Variants in RPGRIP1 observed in about 807,000 individuals in gnomAD.
The protein encoded by RPGRIP1 is RPGR interacting protein 1.
Under a neutral mutation model 157.9 loss-of-function variants are expected in RPGRIP1, and 128 were observed. The observed-to-expected ratio is 0.81, with a 90% CI of 0.70 to 0.94. The LOEUF is 0.94. Among genes scored for constraint, RPGRIP1 ranks in the 40% least tolerant of loss-of-function variants. The pLI is 0.00. For missense variants in RPGRIP1, 1,486 were observed against 1,545.8 expected (o/e 0.96, Z 0.65); for synonymous variants, 554 against 571.6 (o/e 0.97, Z 0.44).
intron 9 of RPGRIP1, 74 bp from the exon 10 acceptor site, chr14:21,312,359 G>C: frequency 9.6e-7 from 1 of 1,041,676 alleles, no homozygotes; most frequent in Non-Finnish European, 1.4e-6. Context: ...GCCCCTCCCT[G>C]CCATGGACAG....
rs1881121627 is a variant in RPGRIP1 at position 21,303,350 on chromosome 14, A to G, written c.607A>G (p.Ile203Val). 3 of 1,613,118 alleles carry G rather than the reference A, an allele frequency of 1.9e-6. No individual in the cohort carries two copies. Among genetic ancestry groups the G allele is most frequent in the Non-Finnish European group, 2.5e-6 (3 of 1,179,452 alleles). Residue 203 changes from isoleucine to valine, a missense_variant, in exon 6 of 25, where the codon ATA becomes GTA. Ile to Val is a conservative substitution (Grantham distance 29). Transcript: ENST00000400017. The part of the protein sequence containing the change: ...PSELVSGSNS[I>V]ISFSSVISMA... ...ATTTAGTGTTTCTGGTTCTAACAGCATAATTTCTTTCAGCAGTGTCATAAG... is the reference window on the plus strand; with the variant it reads ...ATTTAGTGTTTCTGGTTCTAACAGCGTAATTTCTTTCAGCAGTGTCATAAG...
intron 14 of RPGRIP1, among the ~76,000 whole-genome samples, chr14:21,323,520 A>G (rs1882727865): frequency 6.6e-6 from 1 of 151,998 alleles, no homozygotes; most frequent in African/African-American, 2.4e-5. Flanking sequence ...GCTTCTACCT[A>G]CGTCTGAAGA....
chr14:21,293,818 G>A (rs1480658707), intron 2 of RPGRIP1, among the ~76,000 whole-genome samples: 4 of 152,050 alleles, frequency 2.6e-5, no homozygotes, highest in Middle Eastern at 3.2e-3. Flanking sequence ...AGCGGAGCTT[G>A]CAGTGAGCCG....
At chr14:21,334,454 A>T in intron 20 of RPGRIP1, 151 bp from the exon 21 acceptor site, 1 of 655,384 alleles carries the variant, frequency 1.5e-6, no homozygotes, top group Non-Finnish European at 2.8e-6. Flanking sequence ...TGTACCTTTG[A>T]AAAAGAGGGT....
intron 7 of RPGRIP1, among the ~76,000 whole-genome samples, chr14:21,309,028 A>G (rs1288600227): frequency 2.0e-5 from 3 of 152,182 alleles, no homozygotes; most frequent in African/African-American, 7.2e-5. Flanking sequence ...GTTTGGGTGG[A>G]CCCAGTTTCT....
intron 1 of RPGRIP1, among the ~76,000 whole-genome samples, chr14:21,282,908 C>A (rs1026640257): frequency 3.9e-5 from 6 of 152,144 alleles, no homozygotes; most frequent in Non-Finnish European, 8.8e-5. Flanking sequence ...CTGTGCCCGG[C>A]CTACATTCCA....
intron 10 of RPGRIP1, among the ~76,000 whole-genome samples, chr14:21,315,384 G>A (rs1881732756): frequency 6.6e-6 from 1 of 151,704 alleles, no homozygotes; most frequent in East Asian, 1.9e-4. Context: ...GCAGGTGCCT[G>A]TAGTCCCAGC....
rs759412799 is a variant in RPGRIP1, at chr14:21,283,654, CT to C, written c.-39+3510del. 3.2e-3 allele frequency among the ~76,000 whole-genome samples: 422 copies of C among 133,776 alleles called. 1 individual carries two copies. Among genetic ancestry groups the C allele is most frequent in the Middle Eastern group, 4.5e-3 (1 of 220 alleles). 87.8% of individuals were successfully genotyped at this position (133,776 alleles called of 152,430 possible). A position where few individuals can be genotyped will look rare whatever the true frequency, so the allele number is the denominator to read the frequency against. On this transcript the variant is annotated intron_variant, in intron 1 of 24. Coordinates refer to ENST00000400017, the MANE Select transcript of RPGRIP1 (RefSeq NM_020366.4). ...TACTTGTAAACTAAATGCAGATTTA[CT>C]TTTTTTTTTTTTTTAGACAGAGTCT...
intron 10 of RPGRIP1, 90 bp downstream of exon 10, chr14:21,312,596 G>A (rs1473012034): frequency 1.4e-6 from 1 of 703,592 alleles, no homozygotes; most frequent in Non-Finnish European, 2.4e-6. Context: ...ATAAATATAT[G>A]GGGAAATTGG....
At position 21,315,521 on chromosome 14, in the gene RPGRIP1, C is replaced by A. The variant is rs1409700656; in HGVS notation, c.1152-2175C>A. Among the ~76,000 whole-genome samples, 952 of 119,572 alleles carry A rather than the reference C, an allele frequency of 8.0e-3. 8 individuals carry two copies. Among genetic ancestry groups the A allele is most frequent in the African/African-American group, 0.025 (792 of 31,188 alleles). The allele number at this position is 119,572 out of a possible 152,430, so 78.4% of individuals were successfully genotyped here. On this transcript the variant is annotated intron_variant, in intron 10 of 24. Transcript: ENST00000400017. ...GACTCCGTCTCAAAAAAAAAAAAAA[C>A]AAAAAACTTAAAAGTACCTTTGATC...
At chr14:21,296,183 C>T (rs1021308096) in intron 3 of RPGRIP1, among the ~76,000 whole-genome samples, 2 of 151,470 alleles carry the variant, frequency 1.3e-5, no homozygotes, top group Non-Finnish European at 2.9e-5. Flanking sequence ...CTCACTGCAA[C>T]TTCCGCCTCC....
chr14:21,311,913 T>C lies in RPGRIP1; in HGVS notation c.1020T>C (p.Ala340=). 1.2e-6 allele frequency: 2 copies of C among 1,613,292 alleles called. No homozygotes were observed. The highest frequency in any genetic ancestry group is 2.2e-5 in the East Asian group (1 of 44,884). ...RAELKEESKK[A]VSLKSQLEDV... ...AGCTGAAGGAAGAAAGCAAGAAGGC[T>C]GTGAGCTTGAAGAGCCAACTGGAAG... is the stretch of plus-strand genomic sequence containing the variant. The change falls in exon 9 of 25, where the codon GCT becomes GCC. Residue 340 remains alanine (A), a synonymous_variant. Transcript: ENST00000400017.
intron 6 of RPGRIP1, 112 bp downstream of exon 6, chr14:21,303,655 A>G: frequency 4.9e-6 from 4 of 815,554 alleles, no homozygotes; most frequent in South Asian, 1.7e-5. Context: ...GATTAAATTC[A>G]ATCGGAGTAG....
chr14:21,351,041 T>C (rs1419304198), intron 24 of RPGRIP1, 63 bp from the exon 25 acceptor site: 11 of 905,162 alleles, frequency 1.2e-5, no homozygotes, highest in South Asian at 1.6e-5. Flanking sequence ...GTACCTAACC[T>C]GACAAATACC....
chr14:21,346,570 T>C (rs1474966079), intron 23 of RPGRIP1, among the ~76,000 whole-genome samples: 1 of 152,184 alleles, frequency 6.6e-6, no homozygotes, highest in African/African-American at 2.4e-5. Context: ...AAAAAAGTTA[T>C]TTGTTGTTTA....
intron 3 of RPGRIP1, among the ~76,000 whole-genome samples, chr14:21,298,756 A>G (rs1566670574): frequency 3.3e-5 from 5 of 150,880 alleles, no homozygotes; most frequent in South Asian, 2.1e-4. Flanking sequence ...CCTGTTCAAC[A>G]TGGTGAAACC....
chr14:21,281,638 G>A (rs558649067), intron 1 of RPGRIP1, among the ~76,000 whole-genome samples: 36 of 149,634 alleles, frequency 2.4e-4, no homozygotes, highest in African/African-American at 7.9e-4. Context: ...GCAGTGAGGC[G>A]AGAGCATACC....
chr14:21,296,830 C>T (rs1880803919), intron 3 of RPGRIP1, among the ~76,000 whole-genome samples: 1 of 151,566 alleles, frequency 6.6e-6, no homozygotes, highest in Admixed American at 6.6e-5. Context: ...TGGTGGGCGC[C>T]TGAAATCCCA....
chr14:21,284,709 G>A (rs768375084), intron 1 of RPGRIP1, among the ~76,000 whole-genome samples: 24 of 151,690 alleles, frequency 1.6e-4, no homozygotes, highest in African/African-American at 5.1e-4. Context: ...ATGTCACCGC[G>A]CCCAGCAAAT....
Sources: gnomAD v4.1 joint callset for allele counts (sites outside exome capture counted in the v4.1 genomes callset) on GRCh38, gnomAD v4.1.1 for gene constraint, MANE v1.5 for transcripts, NCBI Gene and HGNC (gene_info 2026-07-23, HGNC 2026-07-21) for gene names.